The following FAM135B variants were observed in gnomAD, a reference collection of about 807,000 sequenced individuals.
The protein encoded by FAM135B is protein FAM135B.
Under a neutral mutation model 127.7 loss-of-function variants are expected in FAM135B, and 43 were observed. The observed-to-expected ratio is 0.34, with a 90% CI of 0.26 to 0.43. FAM135B has a LOEUF of 0.43. Among genes scored for constraint, FAM135B ranks in the 20% least tolerant of loss-of-function variants. The pLI is 1.00. For missense variants in FAM135B, 1,558 were observed against 1,725.6 expected (o/e 0.90, Z 1.72); for synonymous variants, 670 against 665.1 (o/e 1.01, Z -0.11).
At chr8:138,168,145 C>T (rs1820115797) in intron 11 of FAM135B, 96 bp from the exon 12 acceptor site, 1 of 1,362,572 alleles carries the variant, frequency 7.3e-7, no homozygotes, top group Non-Finnish European at 9.9e-7. Flanking sequence ...ACTCGGTTCT[C>T]AGCTGACTCT....
intron 1 of FAM135B, among the ~76,000 whole-genome samples, chr8:138,409,101 C>T (rs1216477231): frequency 6.6e-6 from 1 of 152,156 alleles, no homozygotes; most frequent in African/African-American, 2.4e-5. Context: ...GACATGCCTT[C>T]CTCACAAAGC....
At chr8:138,168,834 C>T (rs1446810492) in intron 11 of FAM135B, among the ~76,000 whole-genome samples, 1 of 152,122 alleles carries the variant, frequency 6.6e-6, no homozygotes. Context: ...ATCACTCTTC[C>T]CTCAAGGGAA....
intron 1 of FAM135B, among the ~76,000 whole-genome samples, chr8:138,489,879 C>T (rs758214834): frequency 1.3e-5 from 2 of 152,200 alleles, no homozygotes; most frequent in Non-Finnish European, 2.9e-5. Flanking sequence ...ATATTCGATA[C>T]CTCTTCCTCC....
intron 3 of FAM135B, among the ~76,000 whole-genome samples, chr8:138,267,442 T>C (rs1172494445): frequency 6.6e-6 from 1 of 150,762 alleles, no homozygotes; most frequent in East Asian, 2.0e-4. Flanking sequence ...CATCCTCACA[T>C]CTACCTCTTT....
At chr8:138,311,326 C>T (rs1826668649) in intron 2 of FAM135B, among the ~76,000 whole-genome samples, 1 of 152,212 alleles carries the variant, frequency 6.6e-6, no homozygotes, top group South Asian at 2.1e-4. Flanking sequence ...TATTGCAACA[C>T]AAAAACCACT....
At chr8:138,154,838 C>T (rs1214332190) in intron 12 of FAM135B, among the ~76,000 whole-genome samples, 1 of 152,092 alleles carries the variant, frequency 6.6e-6, no homozygotes, top group Non-Finnish European at 1.5e-5. Flanking sequence ...CTGAAAGTGA[C>T]GAGGAGAATG....
At chr8:138,219,400 C>G (rs1818849192) in intron 7 of FAM135B, among the ~76,000 whole-genome samples, 1 of 152,206 alleles carries the variant, frequency 6.6e-6, no homozygotes, top group Admixed American at 6.5e-5. Flanking sequence ...TCCCTGGCAG[C>G]TTTCATCGTA....
At chr8:138,319,171 A>T (rs1458043752) in intron 2 of FAM135B, among the ~76,000 whole-genome samples, 1 of 152,074 alleles carries the variant, frequency 6.6e-6, no homozygotes, top group Admixed American at 6.6e-5. Context: ...CAGTGGCGCA[A>T]TCTTGGCTCA....
chr8:138,426,010 T>TATATATATATATATACAC (rs1563992442), intron 1 of FAM135B, among the ~76,000 whole-genome samples: 1 of 16,204 alleles, frequency 6.2e-5, no homozygotes, highest in South Asian at 7.6e-4. Flanking sequence ...TATATATATA[T>TATATATATATATATACAC]ATACACACAC....
intron 7 of FAM135B, among the ~76,000 whole-genome samples, chr8:138,236,104 C>G (rs73715553): frequency 0.014 from 2,060 of 152,190 alleles, 35 homozygotes; most frequent in African/African-American, 0.044. Flanking sequence ...TGTTCTTCTG[C>G]GTTCAGATGT....
chr8:138,454,807 A>C (rs1836687406), intron 1 of FAM135B, among the ~76,000 whole-genome samples: 1 of 152,214 alleles, frequency 6.6e-6, no homozygotes, highest in Non-Finnish European at 1.5e-5. Context: ...CCAGGCATCT[A>C]TCTACTCCTT....
At chr8:138,361,428 T>A (rs993194126) in intron 2 of FAM135B, among the ~76,000 whole-genome samples, 2 of 152,228 alleles carry the variant, frequency 1.3e-5, no homozygotes, top group Non-Finnish European at 2.9e-5. Flanking sequence ...CAATGAAAGA[T>A]AAGCTACAAT....
rs534759378 is a variant in FAM135B at position 138,366,288 on chromosome 8, C to T, written c.77+1619G>A. 5.3e-5 allele frequency among the ~76,000 whole-genome samples: 8 copies of T among 152,254 alleles called. No individual in the cohort carries two copies. In the East Asian group the frequency reaches 1.4e-3, roughly 26 times the overall value. On this transcript the variant is annotated intron_variant, in intron 2 of 19. Coordinates refer to ENST00000395297, the MANE Select transcript of FAM135B (RefSeq NM_015912.4). The stretch of plus-strand genomic sequence containing the variant: ...GTCTAATACCATGATGGAAACCTGA[C>T]ATTATCAAAATCGCTTGCTTTTCTT...
intron 13 of FAM135B, 79 bp downstream of exon 13, chr8:138,151,115 C>T (rs1307076448): frequency 4.8e-6 from 5 of 1,031,816 alleles, no homozygotes; most frequent in Admixed American, 6.7e-5. Context: ...AATTTTGAAA[C>T]AGTATGCATG....
intron 2 of FAM135B, among the ~76,000 whole-genome samples, chr8:138,348,204 G>A (rs1021157284): frequency 3.2e-5 from 4 of 124,402 alleles, no homozygotes; most frequent in Admixed American, 2.2e-4. Context: ...GCTCCATCTC[G>A]GCTCACCGCA....
chr8:138,349,913 C>T (rs999578638), intron 2 of FAM135B, among the ~76,000 whole-genome samples: 13 of 152,210 alleles, frequency 8.5e-5, no homozygotes, highest in African/African-American at 3.1e-4. Flanking sequence ...TAAACATCTT[C>T]ATGATGATGA....
chr8:138,430,720 G>A (rs1488444431), intron 1 of FAM135B, among the ~76,000 whole-genome samples: 2 of 152,216 alleles, frequency 1.3e-5, no homozygotes, highest in African/African-American at 4.8e-5. Flanking sequence ...CAGTGGGGCT[G>A]TGATAAAGTC....
chr8:138,270,632 G>A (rs1047167831), intron 3 of FAM135B, among the ~76,000 whole-genome samples: 1 of 152,220 alleles, frequency 6.6e-6, no homozygotes, highest in Non-Finnish European at 1.5e-5. Flanking sequence ...GCTTGCATCT[G>A]GCAAAGGCCT....
At chr8:138,299,896 T>A (rs1416902760) in intron 3 of FAM135B, among the ~76,000 whole-genome samples, 1 of 152,232 alleles carries the variant, frequency 6.6e-6, no homozygotes, top group Non-Finnish European at 1.5e-5. Flanking sequence ...GAAATTTTAA[T>A]ATAATTAAAA....
Sources: allele counts gnomAD v4.1 joint callset (sites outside exome capture counted in the v4.1 genomes callset), GRCh38; gene constraint gnomAD v4.1.1; transcripts MANE v1.5; gene names NCBI Gene and HGNC (gene_info 2026-07-23, HGNC 2026-07-21).